SH3PXD2B: variants seen among roughly 807,000 people sequenced by gnomAD.
SH3PXD2B encodes the protein SH3 and PX domain-containing protein 2B.
A neutral mutation model predicts 73.1 loss-of-function variants in SH3PXD2B; 37 were observed. The observed-to-expected ratio is 0.51, with a 90% CI of 0.39 to 0.67. The LOEUF is 0.67. Ranked by LOEUF, SH3PXD2B falls within the 30% of genes least tolerant of loss-of-function variation. The probability of loss-of-function intolerance (pLI) is 0.00; values close to 1 mark genes in which losing one functional copy is unlikely to be tolerated. For synonymous variants in SH3PXD2B, 457 were observed against 480.5 expected (o/e 0.95, Z 0.64); for missense variants, 1,053 against 1,197.8 (o/e 0.88, Z 1.78).
chr5:172,438,066 T>G (rs1759435410), intron 1 of SH3PXD2B, among the ~76,000 whole-genome samples: 1 of 152,198 alleles, frequency 6.6e-6, no homozygotes, highest in African/African-American at 2.4e-5. Context: ...AACGTGGGGC[T>G]TAGGGGCCTG....
intron 6 of SH3PXD2B, among the ~76,000 whole-genome samples, chr5:172,370,209 C>T (rs1013531612): frequency 6.6e-6 from 1 of 152,172 alleles, no homozygotes; most frequent in Admixed American, 6.5e-5. Context: ...ATGACTCCTT[C>T]TTGACTATAA....
At position 172,421,396 on chromosome 5, in the gene SH3PXD2B, C is replaced by T. The variant is rs576761051; in HGVS notation, c.156+1020G>A. 3.7e-4 allele frequency among the ~76,000 whole-genome samples: 56 copies of T among 152,306 alleles called. No homozygotes were observed. Among genetic ancestry groups the T allele is most frequent in the Non-Finnish European group, 7.2e-4 (49 of 68,018 alleles). ...ACTGGTAGTATACATGGTGTTCGTT[C>T]ATTCATTCATTCATTCACCAAACAC... is the stretch of plus-strand genomic sequence containing the variant. On this transcript the variant is annotated intron_variant, in intron 2 of 12. Transcript: ENST00000311601. This position sits in a 1 kb window ranked among gnomAD's most constrained non-coding sequence, Gnocchi z 4.0.
chr5:172,374,626 A>T (rs970306175), intron 5 of SH3PXD2B, among the ~76,000 whole-genome samples: 3 of 152,168 alleles, frequency 2.0e-5, no homozygotes, highest in African/African-American at 7.2e-5. Flanking sequence ...AGGTGCAGTG[A>T]GCCGAGATCG....
At chr5:172,328,230 C>T (rs574619703) in intron 12 of SH3PXD2B, among the ~76,000 whole-genome samples, 12 of 151,654 alleles carry the variant, frequency 7.9e-5, no homozygotes, top group Admixed American at 3.3e-4. Context: ...CTCAGCCTCC[C>T]GAGTAGCTGG....
intron 2 of SH3PXD2B, among the ~76,000 whole-genome samples, chr5:172,419,213 G>A (rs774751137): frequency 6.6e-6 from 1 of 152,184 alleles, no homozygotes; most frequent in Non-Finnish European, 1.5e-5. Flanking sequence ...CTTAGGCTGC[G>A]CTGGAACAGG....
chr5:172,339,388 G>C lies in SH3PXD2B; in HGVS notation c.1717C>G (p.Arg573Gly). ...MMPAKHIPPA[R>G]DSRRPEPKPD... ...TTGGGCTCTGGCCTCCTGCTGTCCC[G>C]GGCTGGAGGGATGTGTTTGGCTGGC... Residue 573 changes from arginine to glycine, a missense_variant, in exon 13 of 13, where the codon CGG (arginine) becomes GGG (glycine). By Grantham distance (125) the Arg-to-Gly change is moderately radical. Coordinates refer to ENST00000311601, the MANE Select transcript of SH3PXD2B (RefSeq NM_001017995.3). The surrounding 1 kb of genome is among the most constrained non-coding windows in gnomAD (Gnocchi z 6.1). The C allele has an allele frequency of 6.2e-7, 1 of 1,614,154 alleles. No homozygotes were observed. Among genetic ancestry groups the C allele is most frequent in the Non-Finnish European group, 8.5e-7 (1 of 1,180,026 alleles).
chr5:172,427,271 A>G (rs1759116682), intron 1 of SH3PXD2B, among the ~76,000 whole-genome samples: 1 of 152,242 alleles, frequency 6.6e-6, no homozygotes, highest in Non-Finnish European at 1.5e-5. Flanking sequence ...TGATTACAGG[A>G]GGTACCTGGA....
exon 13 of SH3PXD2B, chr5:172,325,376 T>C (rs1756428556): frequency 1.3e-6 from 2 of 1,532,206 alleles, no homozygotes; most frequent in African/African-American, 1.4e-5. Context: ...AACATTCTTA[T>C]GATCCTAGAT....
At chr5:172,390,815 TTGTGTGTGTG>T (rs56116617) in intron 4 of SH3PXD2B, among the ~76,000 whole-genome samples, 3,760 of 139,960 alleles carry the variant, frequency 0.027, 59 homozygotes, top group East Asian at 0.04. Context: ...TTCCCGTCTT[TTGTGTGTGTG>T]TGTGTGTGTG....
intron 2 of SH3PXD2B, among the ~76,000 whole-genome samples, chr5:172,418,450 C>T (rs1331598709): frequency 6.6e-6 from 1 of 152,220 alleles, no homozygotes; most frequent in Non-Finnish European, 1.5e-5. Flanking sequence ...GCCACACTGG[C>T]CTTGCTGCTC....
At chr5:172,392,783 T>TCAAAAA (rs1264259051) in intron 4 of SH3PXD2B, among the ~76,000 whole-genome samples, 3 of 152,316 alleles carry the variant, frequency 2.0e-5, no homozygotes, top group South Asian at 2.1e-4. Context: ...AGACTCCATC[T>TCAAAAA]CAAAAACAAA....
In SH3PXD2B at chr5:172,335,918, A is replaced by G. The variant is rs2113239996; in HGVS notation, c.*2451T>C. ...AGTACCCGCGGGTCATGTCAGAATAATCATCATCATCATAGCAAAAGAGAA... is the reference window on the plus strand; with the variant it reads ...AGTACCCGCGGGTCATGTCAGAATAGTCATCATCATCATAGCAAAAGAGAA... On this transcript the variant is annotated 3_prime_UTR_variant, in exon 13 of 13. Transcript: ENST00000311601. The G allele has an allele frequency of 6.0e-6, 7 of 1,159,844 alleles. No homozygotes were observed. The highest frequency in any genetic ancestry group is 7.4e-6 in the Non-Finnish European group (7 of 942,734). The allele number at this position is 1,159,844 out of a possible 1,614,324, so 71.8% of individuals were successfully genotyped here. A position where few individuals can be genotyped will look rare whatever the true frequency, so the allele number is the denominator to read the frequency against.
intron 2 of SH3PXD2B, among the ~76,000 whole-genome samples, chr5:172,414,946 T>C (rs1018196101): frequency 2.6e-5 from 4 of 152,146 alleles, no homozygotes; most frequent in Non-Finnish European, 4.4e-5. Flanking sequence ...CCACTCCTTA[T>C]TCATTGTCAA....
intron 10 of SH3PXD2B, 71 bp from the exon 11 acceptor site, chr5:172,347,403 T>A: frequency 6.7e-7 from 1 of 1,502,586 alleles, no homozygotes; most frequent in Non-Finnish European, 9.3e-7. Context: ...CCAGGTCGGG[T>A]CTATTTTCTC....
rs377371999 is a variant in SH3PXD2B at position 172,338,341 on chromosome 5, C to T, written c.*28G>A. Reference sequence around the variant, plus strand: ...CGTGGGTAAAGCCAGCAAGGACCAGCGGGCCCTCTAGGCAGAAAGGGAGTC... The same window carrying T: ...CGTGGGTAAAGCCAGCAAGGACCAGTGGGCCCTCTAGGCAGAAAGGGAGTC... On this transcript the variant is annotated 3_prime_UTR_variant, in exon 13 of 13. Transcript: ENST00000311601. This position sits in a 1 kb window ranked among gnomAD's most constrained non-coding sequence, Gnocchi z 5.1. The T allele has an allele frequency of 8.7e-6, 14 of 1,613,798 alleles. No individual in the cohort carries two copies. The highest frequency in any genetic ancestry group is 1.7e-4 in the Middle Eastern group (1 of 5,894).
Position 172,346,269 on chromosome 5 carries a change from G to A in SH3PXD2B, c.1063-8C>T, listed in dbSNP as rs76931006. On this transcript the variant is annotated splice_polypyrimidine_tract_variant and splice_region_variant and intron_variant, in intron 11 of 12. Transcript: ENST00000311601. ...CAGGTTGAGGCCTCGAGGCTGGTAC[G>A]ATCACACACAGGGTTATCTCCAAGG... 2.2e-3 allele frequency: 3,540 copies of A among 1,613,504 alleles called. 82 individuals carry two copies. In the African/African-American group the frequency reaches 0.042, roughly 19 times the overall value.
At chr5:172,396,078 C>T (rs1244452694) in intron 3 of SH3PXD2B, among the ~76,000 whole-genome samples, 9 of 151,362 alleles carry the variant, frequency 5.9e-5, no homozygotes, top group Middle Eastern at 3.4e-3. Flanking sequence ...AAGGATTGGG[C>T]GTGGTGACTC....
chr5:172,335,583 G>C lies in SH3PXD2B; in HGVS notation c.*2786C>G. 8.1e-7 allele frequency: 1 copy of C among 1,231,852 alleles called. No homozygotes were observed. The highest frequency in any genetic ancestry group is 1.0e-6 in the Non-Finnish European group (1 of 988,036). The allele number at this position is 1,231,852 out of a possible 1,614,324, so 76.3% of individuals were successfully genotyped here. ...CCGTAAGGATTAAAGGAGCGTGTGTGTTTAGGCACTGGTCACCAGCCCGGT... is the reference window on the plus strand; with the variant it reads ...CCGTAAGGATTAAAGGAGCGTGTGTCTTTAGGCACTGGTCACCAGCCCGGT... On this transcript the variant is annotated 3_prime_UTR_variant, in exon 13 of 13. Coordinates refer to ENST00000311601, the MANE Select transcript of SH3PXD2B (RefSeq NM_001017995.3).
intron 10 of SH3PXD2B, among the ~76,000 whole-genome samples, chr5:172,349,656 C>T (rs1757114598): frequency 6.6e-6 from 1 of 152,160 alleles, no homozygotes; most frequent in Non-Finnish European, 1.5e-5. Context: ...GCCTTGGGCA[C>T]ACCCTCTCAC....
Sources: gnomAD v4.1 joint callset for allele counts (sites outside exome capture counted in the v4.1 genomes callset) on GRCh38, gnomAD v4.1.1 for gene constraint, Gnocchi (gnomAD v3.1) non-coding constraint, MANE v1.5 for transcripts, NCBI Gene and HGNC (gene_info 2026-07-23, HGNC 2026-07-21) for gene names.